Variants in PLXNA4 observed in about 807,000 individuals in gnomAD.
The protein encoded by PLXNA4 is plexin-A4.
Under a neutral mutation model 191.8 loss-of-function variants are expected in PLXNA4, and 44 were observed. The ratio of observed to expected loss-of-function variants is 0.23; its 90% CI spans 0.18 to 0.29. The LOEUF is 0.29. Ranked by LOEUF, PLXNA4 falls within the 10% of genes least tolerant of loss-of-function variation. The pLI, the probability that PLXNA4 is intolerant of heterozygous loss-of-function variation, is 1.00. For synonymous variants in PLXNA4, 1,082 were observed against 1,009.5 expected (o/e 1.07, Z -1.36); for missense variants, 1,800 against 2,488.8 (o/e 0.72, Z 5.89).
chr7:132,251,274 A>G (rs1799241051), intron 4 of PLXNA4, among the ~76,000 whole-genome samples: 1 of 152,186 alleles, frequency 6.6e-6, no homozygotes, highest in African/African-American at 2.4e-5. Flanking sequence ...GGAGAAAAGT[A>G]TCGGTTGGCT....
At chr7:132,261,142 C>T (rs771900575) in intron 4 of PLXNA4, among the ~76,000 whole-genome samples, 17 of 152,300 alleles carry the variant, frequency 1.1e-4, no homozygotes, top group Non-Finnish European at 1.6e-4. Flanking sequence ...TGCTCTCACA[C>T]GGCCAAATCT....
chr7:132,299,153 G>A (rs776545907), intron 3 of PLXNA4, among the ~76,000 whole-genome samples: 2 of 152,130 alleles, frequency 1.3e-5, no homozygotes, highest in African/African-American at 2.4e-5. Context: ...CATAAATCAG[G>A]AACAAATATT....
At chr7:132,632,488 G>C (rs1803512272) in intron 2 of PLXNA4, among the ~76,000 whole-genome samples, 2 of 152,156 alleles carry the variant, frequency 1.3e-5, no homozygotes, top group Non-Finnish European at 2.9e-5. Flanking sequence ...CTGGAGCTGA[G>C]TGTGAGCTTA....
rs1794961353 is a variant in PLXNA4, at chr7:132,132,408, TTCTGTTCTGTTCTGTTCTGTTCTGTTC to T, written c.5589+614_5589+640del. 1.6e-4 allele frequency among the ~76,000 whole-genome samples: 6 copies of T among 37,952 alleles called. No homozygotes were observed. In the Admixed American group the frequency reaches 2.1e-3, roughly 14 times the overall value. The allele number at this position is 37,952 out of a possible 152,430, so 24.9% of individuals were successfully genotyped here. On this transcript the variant is annotated intron_variant, in intron 31 of 31. Transcript: ENST00000321063. ...TTCTGTTCTGTTCTGTTCTGTTCTG[TTCTGTTCTGTTCTGTTCTGTTCTGTTC>T]TGTTCTGTTCTGTTCTGTTCTGTTC...
At chr7:132,200,368 C>A (rs557983082) in intron 12 of PLXNA4, among the ~76,000 whole-genome samples, 1 of 152,034 alleles carries the variant, frequency 6.6e-6, no homozygotes, top group Admixed American at 6.5e-5. Flanking sequence ...TGAAGGTGAG[C>A]GGTGGGGACT....
intron 4 of PLXNA4, chr7:132,266,493 T>A (rs1799863704): frequency 6.6e-6 from 1 of 152,262 alleles, no homozygotes; most frequent in Non-Finnish European, 1.5e-5. Flanking sequence ...TTGAAACTCA[T>A]CAAATGTTTG....
intron 3 of PLXNA4, among the ~76,000 whole-genome samples, chr7:132,362,041 GC>G (rs1268240709): frequency 1.6e-4 from 24 of 152,290 alleles, no homozygotes; most frequent in Non-Finnish European, 3.4e-4. Flanking sequence ...AAAACCTGCA[GC>G]ATGTAATAAG....
intron 3 of PLXNA4, among the ~76,000 whole-genome samples, chr7:132,481,152 G>A (rs1797318745): frequency 6.6e-6 from 1 of 152,122 alleles, no homozygotes. Flanking sequence ...TGATTTTCCT[G>A]TCCCTAAAGT....
At position 132,217,897 on chromosome 7, in the gene PLXNA4, C is replaced by CTTT. The variant is rs138576612; in HGVS notation, c.2097+5627_2097+5629dup. Among the ~76,000 whole-genome samples, 7 of 43,422 alleles carry CTTT rather than the reference C, an allele frequency of 1.6e-4. 1 individual carries two copies. Among genetic ancestry groups the CTTT allele is most frequent in the African/African-American group, 7.4e-4 (6 of 8,094 alleles). 28.5% of individuals were successfully genotyped at this position (43,422 alleles called of 152,430 possible). On this transcript the variant is annotated intron_variant, in intron 9 of 31. Transcript: ENST00000321063. Reference sequence around the variant, plus strand: ...GGAGCGTGTTCTGTAGCTGGATTTGCTTTTTTTTTTTTTTTTTTTTTTTTT... The same window carrying CTTT: ...GGAGCGTGTTCTGTAGCTGGATTTGCTTTTTTTTTTTTTTTTTTTTTTTTTTTT...
intron 3 of PLXNA4, among the ~76,000 whole-genome samples, chr7:132,404,423 C>T (rs1794125316): frequency 6.6e-6 from 1 of 152,246 alleles, no homozygotes; most frequent in Non-Finnish European, 1.5e-5. Context: ...GCCTCCACCA[C>T]TGTCACCAAC....
chr7:132,443,223 T>C (rs1377529060), intron 3 of PLXNA4, among the ~76,000 whole-genome samples: 2 of 152,290 alleles, frequency 1.3e-5, no homozygotes, highest in East Asian at 1.9e-4. Context: ...TCCTTCCTTT[T>C]TGTGGCCATG....
intron 4 of PLXNA4, among the ~76,000 whole-genome samples, chr7:132,267,262 A>C (rs1354973586): frequency 6.6e-6 from 1 of 152,194 alleles, no homozygotes. Context: ...TGTCAGTAGG[A>C]GGAGCCTGAT....
chr7:132,443,721 G>A (rs960110839), intron 3 of PLXNA4, among the ~76,000 whole-genome samples: 7 of 152,176 alleles, frequency 4.6e-5, no homozygotes, highest in African/African-American at 1.7e-4. Flanking sequence ...TGAAAATATT[G>A]CTATTGAAGG....
chr7:132,581,922 C>T (rs115294726), upstream of PLXNA4, among the ~76,000 whole-genome samples: 686 of 152,164 alleles, frequency 4.5e-3, 2 homozygotes, highest in African/African-American at 0.016. Flanking sequence ...TCTTTTTAAC[C>T]GCAGAAACCA....
rs774589524 is a variant in PLXNA4, at chr7:132,349,671, T to C, written c.1372-51449A>G. Among the ~76,000 whole-genome samples the C allele has an allele frequency of 5.9e-5, 9 of 152,222 alleles. 1 individual carries two copies. Among genetic ancestry groups the C allele is most frequent in the African/African-American group, 1.2e-4 (5 of 41,452 alleles). ...CACAGTTTAAATGCATTTCCCCTTC[T>C]GATGTCCTTCGTGGAGATCAGGAAC... On this transcript the variant is annotated intron_variant, in intron 3 of 31. Coordinates refer to ENST00000321063, the MANE Select transcript of PLXNA4 (RefSeq NM_020911.2).
intron 16 of PLXNA4, among the ~76,000 whole-genome samples, chr7:132,182,790 G>A (rs1280776038): frequency 2.0e-5 from 3 of 152,320 alleles, no homozygotes; most frequent in African/African-American, 7.2e-5. Flanking sequence ...TGTACCCTGG[G>A]GTGGCACAGG....
At chr7:132,612,684 A>AAAG (rs1228003895) in intron 2 of PLXNA4, among the ~76,000 whole-genome samples, 1 of 150,388 alleles carries the variant, frequency 6.6e-6, no homozygotes, top group Non-Finnish European at 1.5e-5. Context: ...AAAAAAAAAA[A>AAAG]GTCCTCATCC....
intron 3 of PLXNA4, among the ~76,000 whole-genome samples, chr7:132,348,817 C>A (rs1266748173): frequency 6.6e-6 from 1 of 152,184 alleles, no homozygotes; most frequent in Non-Finnish European, 1.5e-5. Context: ...CCAATGGGAG[C>A]CCACCTCAGG....
intron 1 of PLXNA4, among the ~76,000 whole-genome samples, chr7:132,566,559 T>A (rs1585360892): frequency 6.6e-6 from 1 of 152,186 alleles, no homozygotes; most frequent in East Asian, 1.9e-4. Context: ...GTTAATTTGA[T>A]AAAGAACATT....
Sources: gnomAD v4.1 joint callset for allele counts (sites outside exome capture counted in the v4.1 genomes callset) on GRCh38, gnomAD v4.1.1 for gene constraint, MANE v1.5 for transcripts, NCBI Gene and HGNC (gene_info 2026-07-23, HGNC 2026-07-21) for gene names.